The following ANGPTL2 variants were observed in gnomAD, a reference collection of about 807,000 sequenced individuals.
ANGPTL2 encodes the protein angiopoietin like 2, also known as angiopoietin-related protein 2.
ANGPTL2 carries 25 observed loss-of-function variants against 52.8 expected under a neutral mutation model. That is an observed-to-expected ratio of 0.47 (90% CI 0.35 to 0.66). ANGPTL2 has a LOEUF of 0.66. ANGPTL2 is among the 30% of genes least tolerant of loss of function. The pLI is 0.01. For missense variants in ANGPTL2, 546 were observed against 656.9 expected (o/e 0.83, Z 1.84); for synonymous variants, 276 against 277.4 (o/e 1.00, Z 0.05).
chr9:127,090,526 T>A (rs898946144), intron 4 of ANGPTL2, among the ~76,000 whole-genome samples: 2 of 152,188 alleles, frequency 1.3e-5, no homozygotes. Flanking sequence ...TCCTGTCCCC[T>A]GATGTTGGGA....
chr9:127,108,753 A>G lies in ANGPTL2; in HGVS notation c.-22T>C. 6 of 1,582,646 alleles carry G rather than the reference A, an allele frequency of 3.8e-6. No homozygotes were observed. The highest frequency in any genetic ancestry group is 5.2e-6 in the Non-Finnish European group (6 of 1,162,172). On this transcript the variant is annotated 5_prime_UTR_variant, in exon 2 of 5. Transcript: ENST00000373425. ...TCATGGTCCTTGCAAAATGGTGGTTATTCTTTGTGAATAGAATCTATGAAA... is the reference window on the plus strand; with the variant it reads ...TCATGGTCCTTGCAAAATGGTGGTTGTTCTTTGTGAATAGAATCTATGAAA...
At chr9:127,112,801 C>T (rs2137294441) in intron 1 of ANGPTL2, among the ~76,000 whole-genome samples, 1 of 152,346 alleles carries the variant, frequency 6.6e-6, no homozygotes, top group African/African-American at 2.4e-5. Context: ...TGGGTGTGGG[C>T]CAGGCAGTGT....
chr9:127,108,745 T>C lies in ANGPTL2; in HGVS notation c.-14A>G, dbSNP rs781537976. 3.8e-6 allele frequency: 6 copies of C among 1,589,838 alleles called. No individual in the cohort carries two copies. The highest frequency in any genetic ancestry group is 3.4e-5 in the South Asian group (3 of 89,286). On this transcript the variant is annotated 5_prime_UTR_variant, in exon 2 of 5. Transcript: ENST00000373425. ...CAGTGGCCTCATGGTCCTTGCAAAA[T>C]GGTGGTTATTCTTTGTGAATAGAAT...
At chr9:127,115,548 G>A (rs1028368328) in intron 1 of ANGPTL2, among the ~76,000 whole-genome samples, 3 of 152,192 alleles carry the variant, frequency 2.0e-5, no homozygotes, top group African/African-American at 4.8e-5. Flanking sequence ...AGGTTAGGTC[G>A]CTTGTTCAAG....
intron 2 of ANGPTL2, among the ~76,000 whole-genome samples, chr9:127,098,231 T>C (rs2053352093): frequency 2.0e-5 from 3 of 152,220 alleles, no homozygotes; most frequent in Admixed American, 2.0e-4. Context: ...TTTTTGTCAA[T>C]GAAACTGAGT....
At chr9:127,094,761 T>C (rs1244134541) in intron 2 of ANGPTL2, among the ~76,000 whole-genome samples, 1 of 152,236 alleles carries the variant, frequency 6.6e-6, no homozygotes, top group East Asian at 1.9e-4. Context: ...ATGTCCAGGA[T>C]ACAGCCCAAT....
At chr9:127,121,542 T>C (rs1329026636) in intron 1 of ANGPTL2, among the ~76,000 whole-genome samples, 1 of 152,192 alleles carries the variant, frequency 6.6e-6, no homozygotes, top group Non-Finnish European at 1.5e-5. Context: ...ACACATATCA[T>C]AGAAGGAGAA....
At chr9:127,121,751 C>G (rs763716896) in intron 1 of ANGPTL2, among the ~76,000 whole-genome samples, 5 of 152,222 alleles carry the variant, frequency 3.3e-5, no homozygotes, top group Admixed American at 6.5e-5. Flanking sequence ...TGCGTCCGTT[C>G]CCGTGCTGGG....
chr9:127,118,418 A>T (rs1483269654), intron 1 of ANGPTL2, among the ~76,000 whole-genome samples: 1 of 152,250 alleles, frequency 6.6e-6, no homozygotes, highest in African/African-American at 2.4e-5. Flanking sequence ...GGGGTGTTTT[A>T]TATAAATTCA....
At position 127,107,892 on chromosome 9, in the gene ANGPTL2, A is replaced by G. The variant is rs117033208; in HGVS notation, c.817+23T>C. On this transcript the variant is annotated intron_variant, in intron 2 of 4. Coordinates refer to ENST00000373425, the MANE Select transcript of ANGPTL2 (RefSeq NM_012098.3). Reference sequence around the variant, plus strand: ...GTGCCTGGCTCTGAGACCCACATGTAACACGATCCCAGAAGCACTTACCCG... The same window carrying G: ...GTGCCTGGCTCTGAGACCCACATGTGACACGATCCCAGAAGCACTTACCCG... 2.8e-3 allele frequency: 4,276 copies of G among 1,516,740 alleles called. 59 individuals carry two copies. In the East Asian group the frequency reaches 0.03, roughly 11 times the overall value. The allele number at this position is 1,516,740 out of a possible 1,614,324, so 94.0% of individuals were successfully genotyped here.
In ANGPTL2 at chr9:127,110,926, C is replaced by T. The variant is rs577790955; in HGVS notation, c.-49-2146G>A. Among the ~76,000 whole-genome samples the T allele has an allele frequency of 6.6e-5, 10 of 152,256 alleles. No homozygotes were observed. In the East Asian group the frequency reaches 1.9e-3, roughly 29 times the overall value. ...GCCCCAGCCTTGCCCATCCTACCTT[C>T]TGTCCTCAACTTCACAGCCAGAGTG... On this transcript the variant is annotated intron_variant, in intron 1 of 4. Coordinates refer to ENST00000373425, the MANE Select transcript of ANGPTL2 (RefSeq NM_012098.3).
chr9:127,093,697 T>C (rs2136488876), intron 3 of ANGPTL2, 36 bp downstream of exon 3: 2 of 1,609,872 alleles, frequency 1.2e-6, no homozygotes, highest in East Asian at 2.2e-5. Context: ...GCCAGTCACC[T>C]TGTGGGCAGC....
intron 1 of ANGPTL2, among the ~76,000 whole-genome samples, chr9:127,118,591 G>A (rs1025947611): frequency 2.0e-5 from 3 of 152,182 alleles, no homozygotes; most frequent in African/African-American, 7.2e-5. Flanking sequence ...GCTGCACCCT[G>A]ACCCCCAGTT....
intron 1 of ANGPTL2, among the ~76,000 whole-genome samples, chr9:127,111,231 T>C (rs1026300489): frequency 6.6e-6 from 1 of 152,180 alleles, no homozygotes; most frequent in Non-Finnish European, 1.5e-5. Flanking sequence ...CCTTACCTCT[T>C]TCAATCTTTG....
intron 1 of ANGPTL2, among the ~76,000 whole-genome samples, chr9:127,109,083 T>C (rs2054548048): frequency 6.6e-6 from 1 of 152,162 alleles, no homozygotes; most frequent in Non-Finnish European, 1.5e-5. Context: ...GCTGAACTCC[T>C]GGCCTAGAGC....
In ANGPTL2 at chr9:127,108,101, T is replaced by G. The variant is rs1174448729; in HGVS notation, c.631A>C (p.Arg211=). 1 of 1,612,502 alleles carries G rather than the reference T, an allele frequency of 6.2e-7. No homozygotes were observed. Among genetic ancestry groups the G allele is most frequent in the Non-Finnish European group, 8.5e-7 (1 of 1,179,192 alleles). Reference sequence around the variant, plus strand: ...GCGGGGGGTGGCTGGGGGACGGGCCTGGCCGAGGGCACCCTCTGGCAGTGC... The same window carrying G: ...GCGGGGGGTGGCTGGGGGACGGGCCGGGCCGAGGGCACCCTCTGGCAGTGC... ...EEHCQRVPSA[R]PVPQPPPAAP... Residue 211 remains arginine (R), a synonymous_variant, in exon 2 of 5, where the codon AGG becomes CGG. Transcript: ENST00000373425.
chr9:127,107,819 A>G lies in ANGPTL2; in HGVS notation c.817+96T>C, dbSNP rs954715531. 6.5e-5 allele frequency: 86 copies of G among 1,316,170 alleles called. No homozygotes were observed. In the East Asian group the frequency reaches 1.9e-3, roughly 29 times the overall value. The allele number at this position is 1,316,170 out of a possible 1,614,324, so 81.5% of individuals were successfully genotyped here. On this transcript the variant is annotated intron_variant, in intron 2 of 4. Transcript: ENST00000373425. ...TGTGCATGTCTTTGGCCTGGCTTCA[A>G]CTGGCCATGGCTTTTCCCCATTTGT... is the stretch of plus-strand genomic sequence containing the variant.
intron 2 of ANGPTL2, among the ~76,000 whole-genome samples, chr9:127,097,766 G>A (rs764851364): frequency 1.3e-5 from 2 of 152,230 alleles, no homozygotes; most frequent in Admixed American, 6.5e-5. Flanking sequence ...GTCTGGCCTC[G>A]ATGGAGGAAG....
chr9:127,088,810 A>G lies in ANGPTL2; in HGVS notation c.*129T>C. On this transcript the variant is annotated 3_prime_UTR_variant, in exon 5 of 5. Transcript: ENST00000373425. ...TCATCCGCTGCAGTGACTTCGGAAAACAGAATCCAGCATCCCGGTCCTCCC... is the reference window on the plus strand; with the variant it reads ...TCATCCGCTGCAGTGACTTCGGAAAGCAGAATCCAGCATCCCGGTCCTCCC... 9.0e-7 allele frequency: 1 copy of G among 1,105,824 alleles called. No homozygotes were observed. The highest frequency in any genetic ancestry group is 1.3e-6 in the Non-Finnish European group (1 of 752,100). The allele number at this position is 1,105,824 out of a possible 1,614,324, so 68.5% of individuals were successfully genotyped here.
Sources: allele counts gnomAD v4.1 joint callset (sites outside exome capture counted in the v4.1 genomes callset), GRCh38; gene constraint gnomAD v4.1.1; transcripts MANE v1.5; gene names NCBI Gene and HGNC (gene_info 2026-07-23, HGNC 2026-07-21).